LTBP4: variants seen among roughly 807,000 people sequenced by gnomAD.
The protein encoded by LTBP4 is latent transforming growth factor beta binding protein 4, also known as latent-transforming growth factor beta-binding protein 4.
A neutral mutation model predicts 180.2 loss-of-function variants in LTBP4; 93 were observed. The observed-to-expected ratio is 0.52, with a 90% CI of 0.44 to 0.61. The LOEUF (loss-of-function observed/expected upper bound fraction) is 0.61, where lower values mean the gene tolerates loss of function less well. Ranked by LOEUF, LTBP4 falls within the 20% of genes least tolerant of loss-of-function variation. The pLI is 0.00. For missense variants in LTBP4, 2,116 were observed against 2,256.5 expected (o/e 0.94, Z 1.26); for synonymous variants, 947 against 934.5 (o/e 1.01, Z -0.24).
At chr19:40,623,088 C>A in intron 24 of LTBP4, 67 bp downstream of exon 24, 3 of 1,273,710 alleles carry the variant, frequency 2.4e-6, no homozygotes, top group Non-Finnish European at 3.2e-6. Flanking sequence ...TTCCTGTTTT[C>A]TTTGCCTCTG....
At chr19:40,604,979 C>A in intron 1 of LTBP4, 56 bp from the exon 2 acceptor site, 1 of 1,517,380 alleles carries the variant, frequency 6.6e-7, no homozygotes. Context: ...AGTAGGGACC[C>A]CAGGAGAACC....
rs1220756017 is a variant in LTBP4, at chr19:40,622,589, T to C, written c.3406T>C (p.Trp1136Arg). The C allele has an allele frequency of 6.2e-7, 1 of 1,613,646 alleles. No individual in the cohort carries two copies. The highest frequency in any genetic ancestry group is 8.5e-7 in the Non-Finnish European group (1 of 1,179,806). The change falls in exon 23 of 30, where the codon TGG becomes CGG. Residue 1136 changes from tryptophan to arginine, a missense_variant. By Grantham distance (101) the Trp-to-Arg change is moderately radical (BLOSUM62 -3). Coordinates refer to ENST00000396819, the MANE Select transcript of LTBP4 (RefSeq NM_001042545.2). The surrounding 1 kb of genome is among the most constrained non-coding windows in gnomAD (Gnocchi z 5.1). The stretch of plus-strand genomic sequence containing the variant: ...CAACATCCTGGCTCGGAATGTGACA[T>C]GGCAGGAGTGCTGCTGTACTGTGGG... The part of the protein sequence containing the change: ...CDNILARNVT[W>R]QECCCTVGEG...
Position 40,606,543 on chromosome 19 carries a change from G to GAGCT in LTBP4, c.991+18_991+21dup. ...GCTGCATCTGTGAGCAACCAGCAGG[G>GAGCT]AGCTGAGGCTGGGTCCCGCCCTCCC... is the stretch of plus-strand genomic sequence containing the variant. On this transcript the variant is annotated intron_variant, in intron 6 of 29. Transcript: ENST00000396819. The GAGCT allele has an allele frequency of 6.4e-7, 1 of 1,556,562 alleles. No homozygotes were observed. Among genetic ancestry groups the GAGCT allele is most frequent in the Non-Finnish European group, 8.7e-7 (1 of 1,151,186 alleles).
intron 11 of LTBP4, chr19:40,610,171 T>C (rs890439102): frequency 1.2e-5 from 5 of 412,080 alleles, no homozygotes; most frequent in Admixed American, 4.6e-5. Context: ...CCTGACTAAC[T>C]CCCTCCCCCA....
At chr19:40,599,699 C>T (rs920181676), upstream of LTBP4, 8 of 746,438 alleles carry the variant, frequency 1.1e-5, no homozygotes, top group African/African-American at 1.8e-5. Flanking sequence ...CCTGTCTGTC[C>T]GTTTCTATTT....
Position 40,617,106 on chromosome 19 carries a change from A to G in LTBP4, c.2951A>G (p.Asp984Gly). 1 of 1,613,974 alleles carries G rather than the reference A, an allele frequency of 6.2e-7. No homozygotes were observed. Among genetic ancestry groups the G allele is most frequent in the Non-Finnish European group, 8.5e-7 (1 of 1,179,878 alleles). The change falls in exon 21 of 30, where the codon GAC (aspartate) becomes GGC (glycine). Residue 984 changes from aspartate (D) to glycine (G), a missense_variant. Physicochemically the swap from Asp to Gly is moderately conservative, Grantham distance 94 (BLOSUM62 -1). Coordinates refer to ENST00000396819, the MANE Select transcript of LTBP4 (RefSeq NM_001042545.2). ...GACTGTCTGGTGGTTGCAGATGTGG[A>G]CGAATGCCGGAACCGGTCCTTCTGC... The part of the protein sequence containing the change: ...PTPGGGCQDV[D>G]ECRNRSFCGA...
At chr19:40,606,996 C>T (rs1223317125) in intron 6 of LTBP4, among the ~76,000 whole-genome samples, 1 of 152,218 alleles carries the variant, frequency 6.6e-6, no homozygotes, top group African/African-American at 2.4e-5. Context: ...AGTGATCTGC[C>T]CACCTCAGCC....
At chr19:40,600,871 T>G (rs1258490054), upstream of LTBP4, among the ~76,000 whole-genome samples, 1 of 151,876 alleles carries the variant, frequency 6.6e-6, no homozygotes, top group Non-Finnish European at 1.5e-5. This position sits in a 1 kb window ranked among gnomAD's most constrained non-coding sequence, Gnocchi z 4.4. Context: ...AGACGCCCAA[T>G]TCCTTTATGT....
chr19:40,613,687 G>T lies in LTBP4; in HGVS notation c.2557+158G>T. 7.8e-7 allele frequency: 1 copy of T among 1,288,684 alleles called. No individual in the cohort carries two copies. The highest frequency in any genetic ancestry group is 2.5e-5 in the East Asian group (1 of 39,492). The allele number at this position is 1,288,684 out of a possible 1,614,324, so 79.8% of individuals were successfully genotyped here. On this transcript the variant is annotated intron_variant, in intron 17 of 29. Transcript: ENST00000396819. The surrounding 1 kb of genome is among the most constrained non-coding windows in gnomAD (Gnocchi z 5.0). The stretch of plus-strand genomic sequence containing the variant: ...GGTGGGAGTCTCGAGGCAGTGAGGG[G>T]GGGCGGGGCGTGGAGATGAAAGGGC...
intron 11 of LTBP4, 33 bp from the exon 12 acceptor site, chr19:40,610,499 C>G: frequency 6.4e-7 from 1 of 1,573,476 alleles, no homozygotes; most frequent in South Asian, 1.1e-5. Flanking sequence ...GGGCTGTCTG[C>G]CCCAGTCCCA....
chr19:40,611,355 G>T lies in LTBP4; in HGVS notation c.2014G>T (p.Ala672Ser), dbSNP rs754279420. The T allele has an allele frequency of 1.9e-6, 3 of 1,609,934 alleles. No individual in the cohort carries two copies. The highest frequency in any genetic ancestry group is 4.5e-5 in the East Asian group (2 of 44,840). ...TAGSFHCACP[A>S]GFRSRGPGAP... ...AGGCTCCTTTCACTGTGCCTGCCCT[G>T]CTGGCTTCCGCTCCCGAGGGCCCGG... The change falls in exon 13 of 30, where the codon GCT (alanine) becomes TCT (serine). Residue 672 changes from alanine (A) to serine (S), a missense_variant. Ala to Ser is a moderately conservative substitution (Grantham distance 99, BLOSUM62 1). Coordinates refer to ENST00000396819, the MANE Select transcript of LTBP4 (RefSeq NM_001042545.2). The surrounding 1 kb of genome is among the most constrained non-coding windows in gnomAD (Gnocchi z 4.4).
chr19:40,617,934 A>G (rs2081561884), intron 21 of LTBP4, among the ~76,000 whole-genome samples: 1 of 152,166 alleles, frequency 6.6e-6, no homozygotes, highest in Admixed American at 6.6e-5. Flanking sequence ...CTATCCATTA[A>G]TCCATCTAAT....
chr19:40,596,507 G>T (rs2081391221), upstream of LTBP4, among the ~76,000 whole-genome samples: 1 of 147,932 alleles, frequency 6.8e-6, no homozygotes, highest in Non-Finnish European at 1.5e-5. Context: ...AGAGCCAGGA[G>T]CACCCTGGGA....
At chr19:40,616,308 A>AAAAG in intron 19 of LTBP4, among the ~76,000 whole-genome samples, 1 of 150,274 alleles carries the variant, frequency 6.7e-6, no homozygotes, top group Admixed American at 6.6e-5. Flanking sequence ...AAAGAAAAAA[A>AAAAG]AGCTGGATGG....
intron 21 of LTBP4, 45 bp downstream of exon 21, chr19:40,617,270 G>A (rs1307974925): frequency 6.3e-7 from 1 of 1,591,138 alleles, no homozygotes; most frequent in Admixed American, 1.7e-5. Flanking sequence ...GGGTGGGGGA[G>A]GTTGGTCAGG....
chr19:40,596,251 C>G (rs2081389876), intron 1 of LTBP4, among the ~76,000 whole-genome samples: 1 of 152,026 alleles, frequency 6.6e-6, no homozygotes, highest in Non-Finnish European at 1.5e-5. Flanking sequence ...AGATGGGGTC[C>G]TATGTTGTAC....
chr19:40,614,034 C>T lies in LTBP4; in HGVS notation c.2676C>T (p.Cys892=), dbSNP rs1131624. The change falls in exon 18 of 30, where the codon TGC becomes TGT. Residue 892 remains cysteine (C), a synonymous_variant. Coordinates refer to ENST00000396819, the MANE Select transcript of LTBP4 (RefSeq NM_001042545.2). Reference sequence around the variant, plus strand: ...GCGCTGGCCCGGACCTCGCCTCCTGCCTCGGTGAGAGGCCCCGCCCCGGCC... The same window carrying T: ...GCGCTGGCCCGGACCTCGCCTCCTGTCTCGGTGAGAGGCCCCGCCCCGGCC... ...GHRAGPDLAS[C]LDVDECRERG... 1 of 1,612,412 alleles carries T rather than the reference C, an allele frequency of 6.2e-7. No individual in the cohort carries two copies. The highest frequency in any genetic ancestry group is 1.7e-5 in the Admixed American group (1 of 59,940).
At chr19:40,600,364 G>GAC (rs913905536), upstream of LTBP4, among the ~76,000 whole-genome samples, 1 of 152,188 alleles carries the variant, frequency 6.6e-6, no homozygotes, top group African/African-American at 2.4e-5. This position sits in a 1 kb window ranked among gnomAD's most constrained non-coding sequence, Gnocchi z 4.4. Context: ...GACAGGACCA[G>GAC]ACACAGGCCA....
rs371177306 is a variant in LTBP4 at position 40,623,717 on chromosome 19, C to T, written c.3670C>T (p.Arg1224Trp). Residue 1224 changes from arginine to tryptophan, a missense_variant, in exon 25 of 30, where the codon CGG (arginine) becomes TGG (tryptophan). Arg to Trp is a moderately radical substitution (Grantham distance 101). Coordinates refer to ENST00000396819, the MANE Select transcript of LTBP4 (RefSeq NM_001042545.2). ...CSNGYYYHTQ[R>W]LECIDNDECA... Reference sequence around the variant, plus strand: ...CAACGGCTACTACTACCACACACAGCGGCTGGAGTGCATCGGTACAAGCCC... The same window carrying T: ...CAACGGCTACTACTACCACACACAGTGGCTGGAGTGCATCGGTACAAGCCC... 6 of 1,613,800 alleles carry T rather than the reference C, an allele frequency of 3.7e-6. No individual in the cohort carries two copies. In the Admixed American group the frequency reaches 5.0e-5, roughly 13 times the overall value.
Sources: gnomAD v4.1 joint callset for allele counts (sites outside exome capture counted in the v4.1 genomes callset) on GRCh38, gnomAD v4.1.1 for gene constraint, Gnocchi (gnomAD v3.1) non-coding constraint, MANE v1.5 for transcripts, NCBI Gene and HGNC (gene_info 2026-07-23, HGNC 2026-07-21) for gene names.